The following GOLPH3 variants were observed in gnomAD, a reference collection of about 807,000 sequenced individuals.
GOLPH3 encodes golgi phosphoprotein 3.
In GOLPH3, 14 loss-of-function variants were observed where a neutral mutation model predicts 28.5. The observed-to-expected ratio is 0.49, with a 90% CI of 0.32 to 0.77. GOLPH3 has a LOEUF of 0.77. GOLPH3 is among the 30% of genes least tolerant of loss of function. The pLI is 0.03. For synonymous variants in GOLPH3, 158 were observed against 159.2 expected (o/e 0.99, Z 0.06); for missense variants, 350 against 393.7 (o/e 0.89, Z 0.94).
At chr5:32,153,366 G>A (rs1014947473) in intron 1 of GOLPH3, among the ~76,000 whole-genome samples, 1 of 151,230 alleles carries the variant, frequency 6.6e-6, no homozygotes, top group Non-Finnish European at 1.5e-5. Flanking sequence ...GAAGAAAGAT[G>A]GAAATGAGAC....
At chr5:32,131,871 T>G (rs1199534784) in intron 3 of GOLPH3, among the ~76,000 whole-genome samples, 1 of 152,234 alleles carries the variant, frequency 6.6e-6, no homozygotes. Context: ...GGCCATAAAT[T>G]TGGCAGTGTA....
In GOLPH3 at chr5:32,174,226, C is replaced by CG. The variant is rs1581562926; in HGVS notation, c.-193dup. On this transcript the variant is annotated 5_prime_UTR_variant, in exon 1 of 4. Transcript: ENST00000265070. Reference sequence around the variant, plus strand: ...GCGAAGCGGGCTGGCCGGGCGTCGGCGGGGCAGGAGAGGAGCGCCTTCCTG... The same window carrying CG: ...GCGAAGCGGGCTGGCCGGGCGTCGGCGGGGGCAGGAGAGGAGCGCCTTCCTG... The CG allele has an allele frequency of 2.6e-6, 1 of 377,696 alleles. No homozygotes were observed. Among genetic ancestry groups the CG allele is most frequent in the African/African-American group, 2.1e-5 (1 of 47,624 alleles). 23.4% of individuals were successfully genotyped at this position (377,696 alleles called of 1,614,324 possible). A position where few individuals can be genotyped will look rare whatever the true frequency, so the allele number is the denominator to read the frequency against.
At chr5:32,171,936 G>A (rs916063697) in intron 1 of GOLPH3, among the ~76,000 whole-genome samples, 2 of 151,032 alleles carry the variant, frequency 1.3e-5, no homozygotes, top group Admixed American at 6.6e-5. Context: ...GCGACAGAGC[G>A]AGATTCCGTC....
chr5:32,134,986 C>G (rs747502840), intron 3 of GOLPH3, among the ~76,000 whole-genome samples: 8 of 152,216 alleles, frequency 5.3e-5, no homozygotes, highest in Non-Finnish European at 1.0e-4. Flanking sequence ...CCAAACTTTT[C>G]ACGTTCTCCT....
intron 1 of GOLPH3, among the ~76,000 whole-genome samples, chr5:32,170,636 G>C (rs994405239): frequency 1.3e-5 from 2 of 152,050 alleles, no homozygotes; most frequent in Non-Finnish European, 2.9e-5. Flanking sequence ...AGTTGACAGG[G>C]CTGGTTATTA....
In GOLPH3 at chr5:32,125,449, T is replaced by G. The variant is rs1219107935; in HGVS notation, c.*763A>C. 1.3e-5 allele frequency: 2 copies of G among 152,660 alleles called. No homozygotes were observed. Among genetic ancestry groups the G allele is most frequent in the Admixed American group, 6.5e-5 (1 of 15,280 alleles). 9.5% of individuals were successfully genotyped at this position (152,660 alleles called of 1,614,324 possible). On this transcript the variant is annotated 3_prime_UTR_variant, in exon 4 of 4. Transcript: ENST00000265070. ...GATTTTGCCATCAAATAACCATGATTGAAGCAAGCGAGGGGCACCAGGTGT... is the reference window on the plus strand; with the variant it reads ...GATTTTGCCATCAAATAACCATGATGGAAGCAAGCGAGGGGCACCAGGTGT...
At chr5:32,140,426 G>A (rs1746031241) in intron 2 of GOLPH3, among the ~76,000 whole-genome samples, 1 of 152,010 alleles carries the variant, frequency 6.6e-6, no homozygotes, top group Non-Finnish European at 1.5e-5. Flanking sequence ...GAGGCAGGTG[G>A]ATCATTTGGG....
chr5:32,173,709 G>A, intron 1 of GOLPH3, 101 bp downstream of exon 1: 1 of 810,510 alleles, frequency 1.2e-6, no homozygotes, highest in Non-Finnish European at 1.7e-6. Flanking sequence ...GGGCAGGTGC[G>A]CGGGCCGGAA....
intron 1 of GOLPH3, among the ~76,000 whole-genome samples, chr5:32,155,956 CAAAAAAAAAAAAAAAAAAAAA>C (rs70961608): frequency 0.039 from 1,853 of 47,842 alleles, 37 homozygotes; most frequent in Admixed American, 0.071. Flanking sequence ...AACACTGTCT[CAAAAAAAAAAAAAAAAAAAAA>C]AAAAAAAAAA....
intron 1 of GOLPH3, among the ~76,000 whole-genome samples, chr5:32,158,021 A>T (rs368891647): frequency 6.1e-5 from 1 of 16,446 alleles, no homozygotes; most frequent in Non-Finnish European, 1.2e-4. Context: ...AAATAAATAA[A>T]ATACACACAC....
intron 1 of GOLPH3, among the ~76,000 whole-genome samples, chr5:32,164,398 C>CT (rs201553416): frequency 0.043 from 6,235 of 144,250 alleles, 210 homozygotes; most frequent in East Asian, 0.17. Context: ...GAGTAAGATT[C>CT]TTTTTTTTTT....
intron 1 of GOLPH3, among the ~76,000 whole-genome samples, chr5:32,160,359 T>G (rs1252122592): frequency 6.6e-6 from 1 of 152,214 alleles, no homozygotes; most frequent in Non-Finnish European, 1.5e-5. Flanking sequence ...ATTACAGGCA[T>G]GAGCCATCAT....
chr5:32,126,618 A>T lies in GOLPH3; in HGVS notation c.491T>A (p.Leu164Ter). The T allele has an allele frequency of 6.2e-7, 1 of 1,612,828 alleles. No individual in the cohort carries two copies. Among genetic ancestry groups the T allele is most frequent in the Non-Finnish European group, 8.5e-7 (1 of 1,179,340 alleles). The change falls in exon 4 of 4, where the codon TTA becomes TAA. Residue 164 changes from leucine to a stop codon, truncating the protein, a stop_gained. Coordinates refer to ENST00000265070, the MANE Select transcript of GOLPH3 (RefSeq NM_022130.4). LOFTEE classifies it high-confidence loss of function. ...ELLSGETWNP[L>*]KLHYQLRNVR... ...ATTTCTTAACTGATAATGCAATTTT[A>T]ATGGATTCCATGTCTCACCTAAACA...
At chr5:32,172,889 G>T (rs528446453) in intron 1 of GOLPH3, among the ~76,000 whole-genome samples, 2 of 152,170 alleles carry the variant, frequency 1.3e-5, no homozygotes, top group Non-Finnish European at 2.9e-5. Flanking sequence ...ATTTTTGTAG[G>T]CAAATATAAC....
At chr5:32,133,619 T>C (rs1745871531) in intron 3 of GOLPH3, among the ~76,000 whole-genome samples, 1 of 152,282 alleles carries the variant, frequency 6.6e-6, no homozygotes. Flanking sequence ...TTTACTAATA[T>C]TTAACATATA....
chr5:32,135,101 G>C (rs796743430), intron 3 of GOLPH3, among the ~76,000 whole-genome samples: 7 of 152,314 alleles, frequency 4.6e-5, no homozygotes, highest in African/African-American at 1.7e-4. Flanking sequence ...AGAAACTTAA[G>C]AGCCAGAGTG....
In GOLPH3 at chr5:32,174,233, G is replaced by A; in HGVS notation, c.-199C>T. 2.7e-6 allele frequency: 1 copy of A among 372,688 alleles called. No homozygotes were observed. Among genetic ancestry groups the A allele is most frequent in the Non-Finnish European group, 4.7e-6 (1 of 210,596 alleles). The allele number at this position is 372,688 out of a possible 1,614,324, so 23.1% of individuals were successfully genotyped here. ...GGGCTGGCCGGGCGTCGGCGGGGCA[G>A]GAGAGGAGCGCCTTCCTGCCTGTGG... On this transcript the variant is annotated 5_prime_UTR_variant, in exon 1 of 4. Coordinates refer to ENST00000265070, the MANE Select transcript of GOLPH3 (RefSeq NM_022130.4).
intron 1 of GOLPH3, among the ~76,000 whole-genome samples, chr5:32,155,600 ATTTT>A (rs1039958827): frequency 2.0e-5 from 3 of 152,148 alleles, no homozygotes; most frequent in Admixed American, 6.6e-5. Context: ...CAGCTTTCTG[ATTTT>A]TTTAATTAGC....
intron 1 of GOLPH3, among the ~76,000 whole-genome samples, chr5:32,161,745 G>A (rs1278054884): frequency 6.6e-6 from 1 of 151,114 alleles, no homozygotes; most frequent in African/African-American, 2.5e-5. Flanking sequence ...ATCAGAAGTC[G>A]GGCCAGGCAC....
Sources: gnomAD v4.1 joint callset for allele counts (sites outside exome capture counted in the v4.1 genomes callset) on GRCh38, gnomAD v4.1.1 for gene constraint, MANE v1.5 for transcripts, NCBI Gene and HGNC (gene_info 2026-07-23, HGNC 2026-07-21) for gene names.